The following TTC12 variants were observed in gnomAD, a reference collection of about 807,000 sequenced individuals.
The protein encoded by TTC12 is tetratricopeptide repeat domain 12.
Under a neutral mutation model 90.1 loss-of-function variants are expected in TTC12, and 70 were observed. The ratio of observed to expected loss-of-function variants is 0.78; its 90% CI spans 0.64 to 0.95. The LOEUF (loss-of-function observed/expected upper bound fraction) is 0.95. TTC12 is among the 40% of genes least tolerant of loss of function. TTC12 has a pLI of 0.00. For missense variants in TTC12, 819 were observed against 846.1 expected, an observed-to-expected ratio of 0.97 and a Z score of 0.40; for synonymous variants, 296 against 311.5, an observed-to-expected ratio of 0.95 and a Z score of 0.53.
rs372368344 is a variant in TTC12, at chr11:113,363,853, A to C, written c.1742A>C (p.Tyr581Ser). ...LKTGGETASR[Y>S]AIKILAICTN... ...ACAGGAGGTGAGACTGCATCACGTT[A>C]TGCTATAAAGATACTAGCTATCTGC... is the stretch of plus-strand genomic sequence containing the variant. The change falls in exon 20 of 22, where the codon TAT (tyrosine) becomes TCT (serine). Residue 581 changes from tyrosine (Y) to serine (S), a missense_variant. Tyr to Ser is a moderately radical substitution (Grantham distance 144). Transcript: ENST00000529221. 2.0e-5 allele frequency: 32 copies of C among 1,613,104 alleles called. No individual in the cohort carries two copies. The highest frequency in any genetic ancestry group is 2.7e-5 in the Non-Finnish European group (32 of 1,179,196).
chr11:113,321,794 A>G (rs953779970), intron 2 of TTC12, among the ~76,000 whole-genome samples: 1 of 152,180 alleles, frequency 6.6e-6, no homozygotes, highest in African/African-American at 2.4e-5. Context: ...AGTAAGACAC[A>G]CTTACCCGGG....
At chr11:113,344,527 G>C in intron 13 of TTC12, 87 bp downstream of exon 13, 1 of 1,346,644 alleles carries the variant, frequency 7.4e-7, no homozygotes, top group Non-Finnish European at 1.0e-6. Context: ...TCCTATCTCT[G>C]TTGTGTGACT....
At chr11:113,342,009 G>A (rs959274563) in intron 12 of TTC12, 84 bp downstream of exon 12, 1 of 1,200,750 alleles carries the variant, frequency 8.3e-7, no homozygotes, top group Non-Finnish European at 1.2e-6. Context: ...CTCCCCAAAG[G>A]CCAGGCCCTG....
At chr11:113,367,721 G>GA (rs1950258672), downstream of TTC12, among the ~76,000 whole-genome samples, 2 of 16,382 alleles carry the variant, frequency 1.2e-4, no homozygotes, top group Non-Finnish European at 2.6e-4. Flanking sequence ...ATTTGGTGAC[G>GA]GGGGTGGGCG....
chr11:113,328,911 T>C (rs1947858133), intron 6 of TTC12, among the ~76,000 whole-genome samples: 1 of 152,236 alleles, frequency 6.6e-6, no homozygotes, highest in Non-Finnish European at 1.5e-5. Flanking sequence ...GCTTCTTTCA[T>C]TTATCGTAAT....
At chr11:113,316,099 G>A (rs535599672) in intron 1 of TTC12, 144 bp from the exon 2 acceptor site, 2 of 411,106 alleles carry the variant, frequency 4.9e-6, no homozygotes, top group Admixed American at 4.4e-5. Flanking sequence ...GAATGAAAGG[G>A]ATCACCCTGC....
downstream of TTC12, chr11:113,366,418 T>C: frequency 3.3e-6 from 5 of 1,532,420 alleles, no homozygotes; most frequent in Middle Eastern, 1.7e-4. Flanking sequence ...TTTTAGAGTG[T>C]TTGCATTTCA....
At chr11:113,361,367 A>G (rs147122070) in intron 18 of TTC12, among the ~76,000 whole-genome samples, 1,823 of 152,344 alleles carry the variant, frequency 0.012, 31 homozygotes, top group African/African-American at 0.038. Flanking sequence ...TAATTTTAAC[A>G]AGTTTCCTGA....
chr11:113,315,760 C>T (rs1484464021), intron 1 of TTC12, among the ~76,000 whole-genome samples: 3 of 152,228 alleles, frequency 2.0e-5, no homozygotes, highest in African/African-American at 4.8e-5. Context: ...CTTCACTCTT[C>T]AGAAACAAGC....
At position 113,323,394 on chromosome 11, in the gene TTC12, T is replaced by A; in HGVS notation, c.165T>A (p.Asp55Glu). 2 of 1,613,434 alleles carry A rather than the reference T, an allele frequency of 1.2e-6. No homozygotes were observed. The highest frequency in any genetic ancestry group is 1.7e-6 in the Non-Finnish European group (2 of 1,179,772). Residue 55 changes from aspartate (D) to glutamate (E), a missense_variant, in exon 3 of 22, where the codon GAT becomes GAA. Transcript: ENST00000529221. The part of the protein sequence containing the change: ...LLLMEEDQEE[D>E]ECRTTLNKTM... ...TTATGGAGGAAGACCAGGAGGAGGA[T>A]GAATGCAGGACCACCTTGAACAAGA...
chr11:113,349,605 T>C (rs1313889017), intron 13 of TTC12, among the ~76,000 whole-genome samples: 2 of 152,234 alleles, frequency 1.3e-5, no homozygotes, highest in Admixed American at 6.5e-5. Context: ...TGGAGGACTT[T>C]GAGCTTAACC....
At chr11:113,352,781 T>C (rs936903639) in intron 16 of TTC12, among the ~76,000 whole-genome samples, 1 of 152,214 alleles carries the variant, frequency 6.6e-6, no homozygotes, top group South Asian at 2.1e-4. Flanking sequence ...AAGGACATAA[T>C]CTCTTTCTTT....
chr11:113,350,048 C>A (rs1555149481), intron 13 of TTC12, 25 bp from the exon 14 acceptor site: 1 of 1,592,672 alleles, frequency 6.3e-7, no homozygotes, highest in African/African-American at 1.3e-5. Context: ...ACAGCTACCT[C>A]TGAGGTTATT....
At chr11:113,357,015 T>C (rs1173869994) in intron 16 of TTC12, among the ~76,000 whole-genome samples, 1 of 152,224 alleles carries the variant, frequency 6.6e-6, no homozygotes, top group Non-Finnish European at 1.5e-5. Context: ...TCCTGAAATA[T>C]GTTTTCCAAA....
At chr11:113,351,380 C>A in intron 15 of TTC12, 81 bp downstream of exon 15, 1 of 1,108,884 alleles carries the variant, frequency 9.0e-7, no homozygotes, top group Non-Finnish European at 1.4e-6. Context: ...AATTTACAAT[C>A]CAGAACAACT....
chr11:113,339,629 A>G lies in TTC12; in HGVS notation c.826+155A>G, dbSNP rs537739565. 4 of 654,842 alleles carry G rather than the reference A, an allele frequency of 6.1e-6. No individual in the cohort carries two copies. The African/African-American group carries it at 7.2e-5, about 12-fold the overall frequency. The allele number at this position is 654,842 out of a possible 1,614,324, so 40.6% of individuals were successfully genotyped here. On this transcript the variant is annotated intron_variant, in intron 10 of 21. Coordinates refer to ENST00000529221, the MANE Select transcript of TTC12 (RefSeq NM_017868.4). ...TAGCTGCTAAAAGGGGTGCACAAGA[A>G]ATGTCCTCCGACTTCTGCTCCATCC...
intron 16 of TTC12, among the ~76,000 whole-genome samples, chr11:113,358,673 G>A (rs1019485443): frequency 5.1e-4 from 78 of 152,232 alleles, no homozygotes; most frequent in Middle Eastern, 3.4e-3. Flanking sequence ...ACACTTCTAC[G>A]CCCAACCCTC....
chr11:113,345,515 C>A (rs1948902861), intron 13 of TTC12, among the ~76,000 whole-genome samples: 1 of 152,138 alleles, frequency 6.6e-6, no homozygotes, highest in Admixed American at 6.5e-5. Flanking sequence ...CTTTTTGGGA[C>A]CCTGCTGAGC....
At chr11:113,353,572 C>T (rs1397918689) in intron 16 of TTC12, among the ~76,000 whole-genome samples, 1 of 152,078 alleles carries the variant, frequency 6.6e-6, no homozygotes, top group African/African-American at 2.4e-5. Flanking sequence ...CCTAGGTTAT[C>T]TTCCAGGGTT....
Sources: gnomAD v4.1 joint callset for allele counts (sites outside exome capture counted in the v4.1 genomes callset) on GRCh38, gnomAD v4.1.1 for gene constraint, MANE v1.5 for transcripts, NCBI Gene and HGNC (gene_info 2026-07-23, HGNC 2026-07-21) for gene names.